C3orf20: variants seen among roughly 807,000 people sequenced by gnomAD.
C3orf20 encodes the protein uncharacterized protein C3orf20.
In C3orf20, 76 loss-of-function variants were observed where a neutral mutation model predicts 88.3. That is an observed-to-expected ratio of 0.86 (90% CI 0.72 to 1.04). The LOEUF (loss-of-function observed/expected upper bound fraction) is 1.04, where lower values mean the gene tolerates loss of function less well. C3orf20 is among the 50% of genes least tolerant of loss of function. C3orf20 has a pLI of 0.00. For missense variants in C3orf20, 1,056 were observed against 1,123.3 expected (o/e 0.94, Z 0.86); for synonymous variants, 436 against 437.4 (o/e 1.00, Z 0.04).
intron 8 of C3orf20, among the ~76,000 whole-genome samples, chr3:14,714,807 G>A (rs961216055): frequency 2.6e-5 from 4 of 152,110 alleles, no homozygotes; most frequent in African/African-American, 9.7e-5. Flanking sequence ...GGGTCTCACT[G>A]TGTTGACCAG....
chr3:14,685,429 C>A (rs540049393), intron 4 of C3orf20, among the ~76,000 whole-genome samples: 3 of 150,706 alleles, frequency 2.0e-5, no homozygotes, highest in African/African-American at 7.4e-5. Flanking sequence ...GCTTTTTTCT[C>A]ACCCAGTGAC....
chr3:14,678,075 T>C (rs747432225), intron 1 of C3orf20, among the ~76,000 whole-genome samples: 1 of 152,136 alleles, frequency 6.6e-6, no homozygotes, highest in Non-Finnish European at 1.5e-5. Flanking sequence ...TCCAGTTCCT[T>C]GCTGTTCCAC....
At chr3:14,711,990 T>C (rs1424231898) in intron 7 of C3orf20, among the ~76,000 whole-genome samples, 2 of 152,110 alleles carry the variant, frequency 1.3e-5, no homozygotes, top group Non-Finnish European at 2.9e-5. Flanking sequence ...TGTCTTGGTA[T>C]AATGGGTTAA....
rs2035901985 is a variant in C3orf20 at position 14,772,957 on chromosome 3, G to A, written c.*82G>A. The stretch of plus-strand genomic sequence containing the variant: ...TTGCCAGCCCAGCCCTGCCTCCCCG[G>A]TCTCCCACCCTGTCCTCCAAGCTTC... On this transcript the variant is annotated 3_prime_UTR_variant, in exon 17 of 17. Coordinates refer to ENST00000253697, the MANE Select transcript of C3orf20 (RefSeq NM_032137.5). This position sits in a 1 kb window ranked among gnomAD's most constrained non-coding sequence, Gnocchi z 4.2. 2.9e-6 allele frequency: 3 copies of A among 1,021,712 alleles called. No individual in the cohort carries two copies. The highest frequency in any genetic ancestry group is 3.2e-5 in the African/African-American group (2 of 63,470). 63.3% of individuals were successfully genotyped at this position (1,021,712 alleles called of 1,614,324 possible). A position where few individuals can be genotyped will look rare whatever the true frequency, so the allele number is the denominator to read the frequency against.
In C3orf20 at chr3:14,682,560, CT is replaced by C; in HGVS notation, c.-136-16del. On this transcript the variant is annotated splice_polypyrimidine_tract_variant and intron_variant, in intron 2 of 16. Transcript: ENST00000253697. Reference sequence around the variant, plus strand: ...TATGGGGAGAGTGACTAACTCTTTTCTTGTCCTTTCCGGATAGGAACCACTG... The same window carrying C: ...TATGGGGAGAGTGACTAACTCTTTTCTGTCCTTTCCGGATAGGAACCACTG... 9.6e-7 allele frequency: 1 copy of C among 1,037,380 alleles called. No individual in the cohort carries two copies. Among genetic ancestry groups the C allele is most frequent in the Non-Finnish European group, 1.4e-6 (1 of 716,268 alleles). The allele number at this position is 1,037,380 out of a possible 1,614,324, so 64.3% of individuals were successfully genotyped here.
At chr3:14,698,759 T>C (rs1297155041) in intron 5 of C3orf20, among the ~76,000 whole-genome samples, 1 of 152,196 alleles carries the variant, frequency 6.6e-6, no homozygotes. Context: ...CAAGACCTGC[T>C]GTAACCACTA....
At chr3:14,769,432 T>C (rs552960930) in intron 15 of C3orf20, among the ~76,000 whole-genome samples, 5 of 151,558 alleles carry the variant, frequency 3.3e-5, no homozygotes, top group African/African-American at 1.2e-4. Context: ...GTTTGGGCCA[T>C]GTATCTGTAA....
chr3:14,716,705 C>T (rs1267941579), intron 9 of C3orf20, among the ~76,000 whole-genome samples: 1 of 152,216 alleles, frequency 6.6e-6, no homozygotes, highest in Admixed American at 6.5e-5. Flanking sequence ...ACACCCATTT[C>T]TATCTTCCCA....
intron 12 of C3orf20, among the ~76,000 whole-genome samples, chr3:14,730,319 G>T (rs1275739526): frequency 1.3e-5 from 2 of 152,062 alleles, no homozygotes; most frequent in Non-Finnish European, 2.9e-5. Context: ...AGGCCGAGGC[G>T]GGCAGATCAC....
At chr3:14,755,609 T>G (rs540862480) in intron 12 of C3orf20, among the ~76,000 whole-genome samples, 1 of 152,326 alleles carries the variant, frequency 6.6e-6, no homozygotes, top group South Asian at 2.1e-4. Flanking sequence ...ATAATGCTCA[T>G]CTTGCATTGC....
chr3:14,717,293 CTG>C (rs2033977159), intron 9 of C3orf20, among the ~76,000 whole-genome samples: 1 of 152,118 alleles, frequency 6.6e-6, no homozygotes, highest in African/African-American at 2.4e-5. Flanking sequence ...TTTTAGTTGA[CTG>C]TTATATATTT....
intron 1 of C3orf20, among the ~76,000 whole-genome samples, chr3:14,678,167 A>G (rs1328513728): frequency 6.6e-6 from 1 of 152,182 alleles, no homozygotes; most frequent in East Asian, 1.9e-4. Context: ...GACCACTTCA[A>G]ATAATGACCT....
At chr3:14,718,110 T>C (rs902902914) in intron 9 of C3orf20, among the ~76,000 whole-genome samples, 1 of 152,142 alleles carries the variant, frequency 6.6e-6, no homozygotes, top group African/African-American at 2.4e-5. Flanking sequence ...TAAATCTTCT[T>C]TGGAAAATAA....
At chr3:14,761,732 T>TGGGGTGG in intron 15 of C3orf20, 117 bp downstream of exon 15, 4 of 291,360 alleles carry the variant, frequency 1.4e-5, no homozygotes, top group African/African-American at 4.0e-5. Context: ...AGGGATGGAG[T>TGGGGTGG]GGGGAGGGGG....
At position 14,772,219 on chromosome 3, in the gene C3orf20, C is replaced by G; in HGVS notation, c.2630+18C>G. 1.2e-6 allele frequency: 2 copies of G among 1,614,190 alleles called. No individual in the cohort carries two copies. The highest frequency in any genetic ancestry group is 1.7e-6 in the Non-Finnish European group (2 of 1,180,028). On this transcript the variant is annotated intron_variant, in intron 16 of 16. Coordinates refer to ENST00000253697, the MANE Select transcript of C3orf20 (RefSeq NM_032137.5). The surrounding 1 kb of genome is among the most constrained non-coding windows in gnomAD (Gnocchi z 4.2). ...GCTGAGAAGTAGGTGACCACATCAGCTGCCAGAATGGGCGTGGCTCACAGC... is the reference window on the plus strand; with the variant it reads ...GCTGAGAAGTAGGTGACCACATCAGGTGCCAGAATGGGCGTGGCTCACAGC...
intron 7 of C3orf20, among the ~76,000 whole-genome samples, chr3:14,712,906 A>G (rs1575116894): frequency 6.6e-6 from 1 of 152,162 alleles, no homozygotes; most frequent in South Asian, 2.1e-4. Flanking sequence ...TTGAAGAATA[A>G]TTTTGCTTGA....
intron 7 of C3orf20, among the ~76,000 whole-genome samples, 189 bp from the exon 8 acceptor site, chr3:14,713,818 G>A (rs1347207529): frequency 1.3e-5 from 2 of 152,200 alleles, no homozygotes; most frequent in African/African-American, 2.4e-5. Context: ...ATACAGAAAA[G>A]CAGCTAGGTC....
In C3orf20 at chr3:14,757,751, T is replaced by C. The variant is rs1188243406; in HGVS notation, c.2244+77T>C. 5.0e-6 allele frequency: 7 copies of C among 1,386,822 alleles called. No individual in the cohort carries two copies. In the African/African-American group the frequency reaches 1.0e-4, roughly 20 times the overall value. The allele number at this position is 1,386,822 out of a possible 1,614,324, so 85.9% of individuals were successfully genotyped here. A position where few individuals can be genotyped will look rare whatever the true frequency, so the allele number is the denominator to read the frequency against. ...GGGCAGTCCGAGAAAACCCCCACAG[T>C]GCTAGGACTGGCTGAGCACCTGCCT... On this transcript the variant is annotated intron_variant, in intron 13 of 16. Coordinates refer to ENST00000253697, the MANE Select transcript of C3orf20 (RefSeq NM_032137.5).
intron 9 of C3orf20, among the ~76,000 whole-genome samples, chr3:14,716,939 G>T (rs1440378213): frequency 1.3e-5 from 2 of 152,166 alleles, no homozygotes; most frequent in Non-Finnish European, 2.9e-5. Flanking sequence ...CAGTCTAGGG[G>T]TGTGTTGTGT....
Sources: gnomAD v4.1 joint callset for allele counts (sites outside exome capture counted in the v4.1 genomes callset) on GRCh38, gnomAD v4.1.1 for gene constraint, Gnocchi (gnomAD v3.1) non-coding constraint, MANE v1.5 for transcripts, NCBI Gene and HGNC (gene_info 2026-07-23, HGNC 2026-07-21) for gene names.